RASL11B: variants seen among roughly 807,000 people sequenced by gnomAD.
The protein encoded by RASL11B is RAS like family 11 member B.
A neutral mutation model predicts 22.9 loss-of-function variants in RASL11B; 14 were observed. The ratio of observed to expected loss-of-function variants is 0.61; its 90% confidence interval spans 0.40 to 0.96. The LOEUF (loss-of-function observed/expected upper bound fraction) is 0.96, where lower values mean the gene tolerates loss of function less well. RASL11B is among the 40% of genes least tolerant of loss of function. The pLI is 0.00. For synonymous variants in RASL11B, 143 were observed against 130.2 expected (o/e 1.10, Z -0.67); for missense variants, 261 against 322.0 (o/e 0.81, Z 1.45).
At position 52,862,543 on chromosome 4, in the gene RASL11B, G is replaced by C. The variant is rs1255065217; in HGVS notation, c.36G>C (p.Glu12Asp). 1.9e-6 allele frequency: 3 copies of C among 1,606,468 alleles called. No homozygotes were observed. The highest frequency in any genetic ancestry group is 2.2e-5 in the South Asian group (2 of 90,688). ...RLIQNMCTIA[E>D]YPAPGNAAAS... ...TTCAGAACATGTGCACCATCGCCGA[G>C]TACCCCGCGCCGGGCAACGCCGCGG... Residue 12 changes from glutamate to aspartate, a missense_variant, in exon 1 of 4, where the codon GAG becomes GAC. Physicochemically the swap from Glu to Asp is conservative, Grantham distance 45. Coordinates refer to ENST00000248706, the MANE Select transcript of RASL11B (RefSeq NM_023940.3).
Position 52,864,427 on chromosome 4 carries a change from T to A in RASL11B, c.200-51T>A, listed in dbSNP as rs1718220914. On this transcript the variant is annotated intron_variant, in intron 2 of 3. Transcript: ENST00000248706. ...TTCTAGCTTAAAACTCACAATGTTTTAAAAGTTGTACAAGAAGGAAGAACA... is the reference window on the plus strand; with the variant it reads ...TTCTAGCTTAAAACTCACAATGTTTAAAAAGTTGTACAAGAAGGAAGAACA... The A allele has an allele frequency of 2.5e-6, 3 of 1,195,934 alleles. No individual in the cohort carries two copies. The South Asian group carries it at 3.8e-5, about 15-fold the overall frequency. The allele number at this position is 1,195,934 out of a possible 1,614,324, so 74.1% of individuals were successfully genotyped here. A position where few individuals can be genotyped will look rare whatever the true frequency, so the allele number is the denominator to read the frequency against.
In RASL11B at chr4:52,865,852, CTGAGGTTCTCCTAGTGCAGGAACGT is replaced by C. The variant is rs1718250740; in HGVS notation, c.*51_*75del. The C allele has an allele frequency of 7.1e-7, 1 of 1,415,654 alleles. No homozygotes were observed. The highest frequency in any genetic ancestry group is 1.2e-5 in the South Asian group (1 of 82,934). 87.7% of individuals were successfully genotyped at this position (1,415,654 alleles called of 1,614,324 possible). A position where few individuals can be genotyped will look rare whatever the true frequency, so the allele number is the denominator to read the frequency against. On this transcript the variant is annotated 3_prime_UTR_variant, in exon 4 of 4. Coordinates refer to ENST00000248706, the MANE Select transcript of RASL11B (RefSeq NM_023940.3). ...GGTTTGGTCTTCCCAGGAAGAGGGC[CTGAGGTTCTCCTAGTGCAGGAACGT>C]TGAATATTGGCAATGATTCCTGGTT...
At position 52,866,063 on chromosome 4, in the gene RASL11B, T is replaced by TG; in HGVS notation, c.*262dup. 1 of 502,472 alleles carries TG rather than the reference T, an allele frequency of 2.0e-6. No individual in the cohort carries two copies. The highest frequency in any genetic ancestry group is 3.6e-6 in the Non-Finnish European group (1 of 281,536). The allele number at this position is 502,472 out of a possible 1,614,324, so 31.1% of individuals were successfully genotyped here. On this transcript the variant is annotated 3_prime_UTR_variant, in exon 4 of 4. Transcript: ENST00000248706. ...GTACTCTGTGTCTTTTCCTTTAGAGTGGGGAGGGGGCATAATCGTTTCGGT... is the reference window on the plus strand; with the variant it reads ...GTACTCTGTGTCTTTTCCTTTAGAGTGGGGGAGGGGGCATAATCGTTTCGGT...
In RASL11B at chr4:52,862,522, G is replaced by C; in HGVS notation, c.15G>C (p.Gln5His). 6.2e-7 allele frequency: 1 copy of C among 1,605,882 alleles called. No homozygotes were observed. The highest frequency in any genetic ancestry group is 2.3e-5 in the East Asian group (1 of 44,062). The change falls in exon 1 of 4, where the codon CAG (glutamine) becomes CAC (histidine). Residue 5 changes from glutamine (Q) to histidine (H), a missense_variant. Coordinates refer to ENST00000248706, the MANE Select transcript of RASL11B (RefSeq NM_023940.3). MRLI[Q>H]NMCTIAEYPA... ...CAGCCGAGGCGATGCGCCTCATTCAGAACATGTGCACCATCGCCGAGTACC... is the reference window on the plus strand; with the variant it reads ...CAGCCGAGGCGATGCGCCTCATTCACAACATGTGCACCATCGCCGAGTACC...
rs533814879 is a variant in RASL11B, at chr4:52,862,639, G to C, written c.132G>C (p.Val44=). 1 of 1,572,842 alleles carries C rather than the reference G, an allele frequency of 6.4e-7. No individual in the cohort carries two copies. Among genetic ancestry groups the C allele is most frequent in the Admixed American group, 1.8e-5 (1 of 56,116 alleles). Residue 44 remains valine (V), a synonymous_variant, in exon 1 of 4, where the codon GTG becomes GTC. Transcript: ENST00000248706. ...VKIAVVGASG[V]GKTALVVRFL... ...TCGCCGTGGTGGGCGCCAGCGGCGT[G>C]GGCAAGACCGGTGAGTCGTCGCGCT...
Position 52,865,819 on chromosome 4 carries a change from C to A in RASL11B, c.*14C>A. On this transcript the variant is annotated 3_prime_UTR_variant, in exon 4 of 4. Transcript: ENST00000248706. ...ACCTCCGTCTGAAGCAGGAGGAGCA[C>A]TCAAGGGGGTTTGGTCTTCCCAGGA... 6.3e-7 allele frequency: 1 copy of A among 1,599,780 alleles called. No individual in the cohort carries two copies.
intron 2 of RASL11B, 93 bp downstream of exon 2, chr4:52,863,417 C>A: frequency 9.6e-7 from 1 of 1,046,110 alleles, no homozygotes; most frequent in Non-Finnish European, 1.5e-6. Flanking sequence ...CTTTCAGTGA[C>A]AGTCCGAGCC....
Position 52,865,572 on chromosome 4 carries a change from A to G in RASL11B, c.514A>G (p.Ser172Gly), listed in dbSNP as rs771032684. The change falls in exon 4 of 4, where the codon AGC becomes GGC. Residue 172 changes from serine (S) to glycine (G), a missense_variant. Physicochemically the swap from Ser to Gly is moderately conservative, Grantham distance 56. Transcript: ENST00000248706. ...CCCTCAGCTTGGACTGCAGCTAGCC[A>G]GCATGCTAGGCTGCTCATTCTATGA... is the stretch of plus-strand genomic sequence containing the variant. ...VDPQLGLQLA[S>G]MLGCSFYEVS... 3 of 1,614,074 alleles carry G rather than the reference A, an allele frequency of 1.9e-6. No homozygotes were observed. Among genetic ancestry groups the G allele is most frequent in the Non-Finnish European group, 2.5e-6 (3 of 1,180,028 alleles).
At chr4:52,862,959 G>C (rs1718188125) in intron 1 of RASL11B, among the ~76,000 whole-genome samples, 4 of 152,062 alleles carry the variant, frequency 2.6e-5, no homozygotes, top group African/African-American at 9.7e-5. Context: ...AGTGAAGCTA[G>C]CCCCCCTGGG....
In RASL11B at chr4:52,862,378, C is replaced by G. The variant is rs1718172626; in HGVS notation, c.-130C>G. 2.3e-6 allele frequency: 2 copies of G among 881,270 alleles called. No individual in the cohort carries two copies. The highest frequency in any genetic ancestry group is 3.3e-6 in the Non-Finnish European group (2 of 611,954). 54.6% of individuals were successfully genotyped at this position (881,270 alleles called of 1,614,324 possible). The stretch of plus-strand genomic sequence containing the variant: ...GCGCTCGGCCCCACCCCGCCCGTAC[C>G]TGCACTTATTTATTGTTGTTATTTC... On this transcript the variant is annotated 5_prime_UTR_variant, in exon 1 of 4. Coordinates refer to ENST00000248706, the MANE Select transcript of RASL11B (RefSeq NM_023940.3).
At chr4:52,863,599 C>T in intron 2 of RASL11B, 2 of 435,852 alleles carry the variant, frequency 4.6e-6, no homozygotes, top group Non-Finnish European at 8.4e-6. Context: ...TGGAAGCACC[C>T]TTTGTAGTCA....
rs1215417052 is a variant in RASL11B, at chr4:52,866,705, T to C, written c.*900T>C. On this transcript the variant is annotated 3_prime_UTR_variant, in exon 4 of 4. Transcript: ENST00000248706. ...AAGGGTGGCTGAAATACTAAAACACTTATCTTACAGCAAGTGAACAGGGGC... is the reference window on the plus strand; with the variant it reads ...AAGGGTGGCTGAAATACTAAAACACCTATCTTACAGCAAGTGAACAGGGGC... 1.7e-5 allele frequency: 2 copies of C among 118,628 alleles called. No individual in the cohort carries two copies. The highest frequency in any genetic ancestry group is 3.5e-5 in the Non-Finnish European group (2 of 57,282). The allele number at this position is 118,628 out of a possible 1,614,324, so 7.3% of individuals were successfully genotyped here.
In RASL11B at chr4:52,863,278, C is replaced by G. The variant is rs755296646; in HGVS notation, c.153C>G (p.Val51=). The change falls in exon 2 of 4, where the codon GTC becomes GTG. Residue 51 remains valine (V), a synonymous_variant. Coordinates refer to ENST00000248706, the MANE Select transcript of RASL11B (RefSeq NM_023940.3). The part of the protein sequence containing the change: ...ASGVGKTALV[V]RFLTKRFIGD... ...TTTTCTGACGTGCAGCACTGGTGGT[C>G]CGGTTCCTCACCAAACGATTCATCG... The G allele has an allele frequency of 6.2e-7, 1 of 1,613,808 alleles. No individual in the cohort carries two copies. Among genetic ancestry groups the G allele is most frequent in the Non-Finnish European group, 8.5e-7 (1 of 1,179,860 alleles).
At chr4:52,863,367 G>A in intron 2 of RASL11B, 43 bp downstream of exon 2, 1 of 1,519,352 alleles carries the variant, frequency 6.6e-7, no homozygotes, top group Non-Finnish European at 9.1e-7. Flanking sequence ...CATTGCAGGA[G>A]GACTGCGGTT....
At position 52,865,394 on chromosome 4, in the gene RASL11B, T is replaced by C; in HGVS notation, c.336T>C (p.Asp112=). The change falls in exon 4 of 4, where the codon GAT becomes GAC. Residue 112 remains aspartate (D), a synonymous_variant. Transcript: ENST00000248706. ...TGAATAGGTGCATTCGCTGGGCAGA[T>C]GCTGTGGTGATCGTTTTCTCCATCA... ...EQLNRCIRWA[D]AVVIVFSITD... 1 of 1,614,214 alleles carries C rather than the reference T, an allele frequency of 6.2e-7. No homozygotes were observed. Among genetic ancestry groups the C allele is most frequent in the South Asian group, 1.1e-5 (1 of 91,084 alleles).
At position 52,865,933 on chromosome 4, in the gene RASL11B, G is replaced by T; in HGVS notation, c.*128G>T. On this transcript the variant is annotated 3_prime_UTR_variant, in exon 4 of 4. Transcript: ENST00000248706. ...AAGGGCTGGAGCAGAAGGGCCAAGA[G>T]GGCCTGTGGAACTGCTACAGAAAAG... 1 of 690,386 alleles carries T rather than the reference G, an allele frequency of 1.4e-6. No individual in the cohort carries two copies. The highest frequency in any genetic ancestry group is 2.4e-6 in the Non-Finnish European group (1 of 414,302). 42.8% of individuals were successfully genotyped at this position (690,386 alleles called of 1,614,324 possible).
intron 2 of RASL11B, 156 bp from the exon 3 acceptor site, chr4:52,864,322 T>G (rs1369670961): frequency 7.0e-6 from 4 of 575,166 alleles, no homozygotes; most frequent in Non-Finnish European, 1.3e-5. Flanking sequence ...TGTTGTTTTT[T>G]AAAAAAAATC....
chr4:52,864,851 T>G (rs188131131), intron 3 of RASL11B, among the ~76,000 whole-genome samples: 2 of 152,304 alleles, frequency 1.3e-5, no homozygotes, highest in Non-Finnish European at 2.9e-5. Flanking sequence ...AAAGTCCAGT[T>G]TTAATATGTG....
rs535097866 is a variant in RASL11B, at chr4:52,865,604, T to G, written c.546T>G (p.Ser182=). ...TAGGCTGCTCATTCTATGAAGTGTC[T>G]GTCAGTGAAAATTATAATGATGTCT... The part of the protein sequence containing the change: ...SMLGCSFYEV[S]VSENYNDVYS... The change falls in exon 4 of 4, where the codon TCT becomes TCG. Residue 182 remains serine (S), a synonymous_variant. Coordinates refer to ENST00000248706, the MANE Select transcript of RASL11B (RefSeq NM_023940.3). The G allele has an allele frequency of 2.9e-4, 467 of 1,614,148 alleles. 5 individuals carry two copies. The South Asian group carries it at 4.9e-3, about 17-fold the overall frequency.
Sources: gnomAD v4.1 joint callset for allele counts (sites outside exome capture counted in the v4.1 genomes callset) on GRCh38, gnomAD v4.1.1 for gene constraint, MANE v1.5 for transcripts, NCBI Gene and HGNC (gene_info 2026-07-23, HGNC 2026-07-21) for gene names.